CACHD1: variants seen among roughly 807,000 people sequenced by gnomAD.
CACHD1 encodes cache domain containing 1.
CACHD1 carries 71 observed loss-of-function variants against 138.7 expected under a neutral mutation model. The ratio of observed to expected loss-of-function variants is 0.51; its 90% CI spans 0.42 to 0.62. The LOEUF is 0.62. Among genes scored for constraint, CACHD1 ranks in the 20% least tolerant of loss-of-function variants. The pLI is 0.00. For missense variants in CACHD1, 1,389 were observed against 1,625.3 expected (o/e 0.85, Z 2.50); for synonymous variants, 578 against 591.5 (o/e 0.98, Z 0.33).
intron 1 of CACHD1, among the ~76,000 whole-genome samples, chr1:64,486,402 A>T (rs995515861): frequency 6.6e-6 from 1 of 151,334 alleles, no homozygotes; most frequent in African/African-American, 2.4e-5. Context: ...ATACACATAC[A>T]CACACACACA....
chr1:64,556,683 C>CGCTTTTACTCATT (rs1553132726), intron 2 of CACHD1, among the ~76,000 whole-genome samples: 1 of 151,962 alleles, frequency 6.6e-6, no homozygotes, highest in Non-Finnish European at 1.5e-5. Flanking sequence ...TGCTTTTACT[C>CGCTTTTACTCATT]ATTTCTTTTA....
chr1:64,594,591 G>C (rs1647135089), intron 3 of CACHD1, among the ~76,000 whole-genome samples: 1 of 152,180 alleles, frequency 6.6e-6, no homozygotes, highest in Non-Finnish European at 1.5e-5. Context: ...GCCTGCATTT[G>C]GATCTGCTGA....
At chr1:64,633,303 A>G (rs970764213) in intron 6 of CACHD1, among the ~76,000 whole-genome samples, 2 of 152,226 alleles carry the variant, frequency 1.3e-5, no homozygotes, top group Non-Finnish European at 2.9e-5. Context: ...ACTTTGGGAA[A>G]AGAGTATTAT....
At chr1:64,629,607 C>A in intron 5 of CACHD1, 126 bp downstream of exon 5, 1 of 1,167,524 alleles carries the variant, frequency 8.6e-7, no homozygotes, top group Non-Finnish European at 1.2e-6. Context: ...TGTACTTGTT[C>A]TGAAATGAAT....
intron 4 of CACHD1, among the ~76,000 whole-genome samples, chr1:64,610,630 G>A (rs1647498669): frequency 6.6e-6 from 1 of 152,196 alleles, no homozygotes; most frequent in Non-Finnish European, 1.5e-5. Context: ...CCACGGCCTG[G>A]GGCAGCTCCG....
intron 1 of CACHD1, among the ~76,000 whole-genome samples, chr1:64,520,916 G>A (rs1271083464): frequency 3.3e-5 from 5 of 152,130 alleles, no homozygotes; most frequent in Admixed American, 1.3e-4. Flanking sequence ...CTAAACCTAG[G>A]TTTATCTCTA....
At position 64,632,626 on chromosome 1, in the gene CACHD1, G is replaced by T. The variant is rs61731122; in HGVS notation, c.672G>T (p.Pro224=). Residue 224 remains proline (P), a synonymous_variant, in exon 6 of 27, where the codon CCG becomes CCT. Coordinates refer to ENST00000651257, the MANE Select transcript of CACHD1 (RefSeq NM_020925.4). ...CCATCTACGTCTCTACAGTCCGGCC[G>T]CAGTCAAAGCACATAGTAGTGATTC... is the stretch of plus-strand genomic sequence containing the variant. The part of the protein sequence containing the change: ...SRPIYVSTVR[P]QSKHIVVILD... 3.1e-6 allele frequency: 5 copies of T among 1,613,758 alleles called. No homozygotes were observed. The highest frequency in any genetic ancestry group is 2.2e-5 in the East Asian group (1 of 44,862).
chr1:64,675,644 A>G (rs570211357), intron 20 of CACHD1, 83 bp downstream of exon 20: 1 of 1,473,938 alleles, frequency 6.8e-7, no homozygotes, highest in Admixed American at 1.7e-5. Context: ...AGTGCAAAAT[A>G]AACAGAAAGT....
At chr1:64,643,267 G>C (rs1337530927) in intron 8 of CACHD1, among the ~76,000 whole-genome samples, 1 of 151,360 alleles carries the variant, frequency 6.6e-6, no homozygotes, top group Non-Finnish European at 1.5e-5. Flanking sequence ...ATCCTCTTAG[G>C]AGGGGTTCAG....
chr1:64,671,831 G>T (rs1231275306), intron 17 of CACHD1, 145 bp downstream of exon 17: 2 of 981,370 alleles, frequency 2.0e-6, no homozygotes, highest in Non-Finnish European at 1.5e-6. Context: ...GAAGGTTTTT[G>T]TTCTTTTTCT....
At chr1:64,609,666 C>A (rs888103126) in intron 4 of CACHD1, among the ~76,000 whole-genome samples, 3 of 152,062 alleles carry the variant, frequency 2.0e-5, no homozygotes, top group Non-Finnish European at 2.9e-5. Context: ...CATATATACA[C>A]AACATATGTA....
At chr1:64,676,153 G>T (rs1649984966) in intron 21 of CACHD1, among the ~76,000 whole-genome samples, 170 bp downstream of exon 21, 1 of 151,906 alleles carries the variant, frequency 6.6e-6, no homozygotes, top group Non-Finnish European at 1.5e-5. Context: ...AAGCTCCGTA[G>T]TGCCATAAAA....
At position 64,490,948 on chromosome 1, in the gene CACHD1, A is replaced by C. The variant is rs570889155; in HGVS notation, c.198+20006A>C. Among the ~76,000 whole-genome samples, 943 of 152,070 alleles carry C rather than the reference A, an allele frequency of 6.2e-3. 4 individuals are homozygous for C. The highest frequency in any genetic ancestry group is 9.6e-3 in the Non-Finnish European group (651 of 67,980). On this transcript the variant is annotated intron_variant, in intron 1 of 26. Transcript: ENST00000651257. ...ACTCTTGCCCTTTAATTTTCAGAAA[A>C]CCCCCCATCCTGTGGGGTTCTCATG...
At chr1:64,552,665 G>C (rs1164659301) in intron 2 of CACHD1, among the ~76,000 whole-genome samples, 1 of 152,034 alleles carries the variant, frequency 6.6e-6, no homozygotes, top group South Asian at 2.1e-4. Flanking sequence ...TTTTAGTAAA[G>C]ATGAGGTCTT....
chr1:64,650,166 T>C (rs1166691307), intron 9 of CACHD1, among the ~76,000 whole-genome samples: 1 of 152,218 alleles, frequency 6.6e-6, no homozygotes, highest in African/African-American at 2.4e-5. Context: ...GAGTCTTCTG[T>C]CCCAGTTGAT....
chr1:64,613,048 A>C (rs183478310), intron 4 of CACHD1, among the ~76,000 whole-genome samples: 99 of 152,326 alleles, frequency 6.5e-4, no homozygotes, highest in African/African-American at 2.2e-3. Flanking sequence ...AGTTGATTCT[A>C]ACCTTCATGG....
At chr1:64,546,004 T>G (rs376417081) in intron 1 of CACHD1, among the ~76,000 whole-genome samples, 2 of 152,234 alleles carry the variant, frequency 1.3e-5, no homozygotes, top group East Asian at 3.8e-4. Flanking sequence ...AAATATATTT[T>G]TAGTTTTAGT....
intron 1 of CACHD1, among the ~76,000 whole-genome samples, chr1:64,534,103 G>C (rs1365588025): frequency 2.0e-5 from 3 of 150,662 alleles, no homozygotes; most frequent in Admixed American, 6.6e-5. Context: ...GAGTGTAGTG[G>C]CATGTTCTTG....
intron 7 of CACHD1, 118 bp downstream of exon 7, chr1:64,634,378 GTATT>G: frequency 4.1e-6 from 1 of 243,006 alleles, no homozygotes; most frequent in African/African-American, 2.4e-5. Flanking sequence ...ATTTATGTAT[GTATT>G]TATTTATTTA....
Sources: gnomAD v4.1 joint callset for allele counts (sites outside exome capture counted in the v4.1 genomes callset) on GRCh38, gnomAD v4.1.1 for gene constraint, MANE v1.5 for transcripts, NCBI Gene and HGNC (gene_info 2026-07-23, HGNC 2026-07-21) for gene names.